The following GALNT17 variants were observed in gnomAD, a reference collection of about 807,000 sequenced individuals.
GALNT17 encodes polypeptide N-acetylgalactosaminyltransferase 17.
In GALNT17, 29 loss-of-function variants were observed where a neutral mutation model predicts 63.7. The observed-to-expected ratio is 0.46, with a 90% CI of 0.34 to 0.62. The LOEUF (loss-of-function observed/expected upper bound fraction) is 0.62. Among genes scored for constraint, GALNT17 ranks in the 20% least tolerant of loss-of-function variants. The pLI is 0.01. For synonymous variants in GALNT17, 305 were observed against 318.3 expected (o/e 0.96, Z 0.45); for missense variants, 603 against 799.6 (o/e 0.75, Z 2.97).
At chr7:71,374,095 G>T (rs372136872) in intron 2 of GALNT17, among the ~76,000 whole-genome samples, 1 of 152,166 alleles carries the variant, frequency 6.6e-6, no homozygotes, top group East Asian at 1.9e-4. Flanking sequence ...CGTTTTTGGT[G>T]TGGAAAACTG....
intron 6 of GALNT17, among the ~76,000 whole-genome samples, chr7:71,621,723 C>T (rs917194500): frequency 2.0e-4 from 30 of 152,148 alleles, no homozygotes; most frequent in African/African-American, 6.5e-4. Flanking sequence ...TTTTGACAAC[C>T]GTGATAAAAT....
intron 6 of GALNT17, among the ~76,000 whole-genome samples, chr7:71,654,247 C>T (rs929372160): frequency 2.0e-5 from 3 of 152,142 alleles, no homozygotes; most frequent in Admixed American, 6.5e-5. Flanking sequence ...CATCTCCTGA[C>T]GTGATCCGCC....
chr7:71,193,191 C>T (rs1202660), intron 1 of GALNT17, among the ~76,000 whole-genome samples: 37,199 of 151,666 alleles, frequency 0.25, 4,855 homozygotes, highest in East Asian at 0.47. Context: ...CTTGACCTCC[C>T]GGGCTCAAGC....
rs183126984 is a variant in GALNT17, at chr7:71,579,774, T to C, written c.1080+8372T>C. 1.4e-4 allele frequency among the ~76,000 whole-genome samples: 21 copies of C among 152,172 alleles called. No individual in the cohort carries two copies. The East Asian group carries it at 2.5e-3, about 18-fold the overall frequency. On this transcript the variant is annotated intron_variant, in intron 6 of 10. Transcript: ENST00000333538. ...CAAGGTGGGGCCCAGATTATGAGGA[T>C]TGATAAGCAGAAAGTTGGCTTTTTC... is the stretch of plus-strand genomic sequence containing the variant.
chr7:71,527,180 C>T (rs766584960), intron 5 of GALNT17, among the ~76,000 whole-genome samples: 5 of 151,956 alleles, frequency 3.3e-5, no homozygotes, highest in Non-Finnish European at 5.9e-5. Context: ...GAAGTTAATT[C>T]AGGATATATG....
chr7:71,688,887 T>C (rs532200786), intron 9 of GALNT17, among the ~76,000 whole-genome samples: 2 of 152,152 alleles, frequency 1.3e-5, no homozygotes, highest in South Asian at 4.1e-4. Flanking sequence ...TTTTCACAGA[T>C]CGAAGGGTTG....
intron 5 of GALNT17, among the ~76,000 whole-genome samples, chr7:71,513,010 T>C (rs979738127): frequency 2.0e-5 from 3 of 152,210 alleles, no homozygotes; most frequent in African/African-American, 7.2e-5. Context: ...TTAAAACACA[T>C]TAAAATGGCA....
intron 6 of GALNT17, among the ~76,000 whole-genome samples, chr7:71,623,953 C>A (rs1033784035): frequency 2.0e-5 from 3 of 152,142 alleles, no homozygotes; most frequent in Non-Finnish European, 2.9e-5. Flanking sequence ...CAAGGGGTCC[C>A]CAAAACCGTG....
At chr7:71,274,629 T>G (rs1408490391) in intron 1 of GALNT17, among the ~76,000 whole-genome samples, 1 of 152,174 alleles carries the variant, frequency 6.6e-6, no homozygotes, top group Non-Finnish European at 1.5e-5. Flanking sequence ...CCCTAAGACA[T>G]TGGTCTGGAA....
At chr7:71,311,385 A>G (rs908984121) in intron 1 of GALNT17, among the ~76,000 whole-genome samples, 9 of 152,190 alleles carry the variant, frequency 5.9e-5, no homozygotes, top group African/African-American at 2.2e-4. Context: ...GAGTCAATCA[A>G]TTGGGGAAGC....
At chr7:71,551,590 C>G (rs541423337) in intron 5 of GALNT17, among the ~76,000 whole-genome samples, 1 of 151,920 alleles carries the variant, frequency 6.6e-6, no homozygotes, top group Non-Finnish European at 1.5e-5. Context: ...TAGTGAAATA[C>G]TGTCTCTTAA....
intron 6 of GALNT17, among the ~76,000 whole-genome samples, chr7:71,655,402 G>C (rs979000139): frequency 6.6e-6 from 1 of 152,166 alleles, no homozygotes; most frequent in African/African-American, 2.4e-5. Context: ...AAACATTCCT[G>C]AATTCATTAC....
At chr7:71,677,455 T>G (rs1791170175) in intron 9 of GALNT17, 149 bp downstream of exon 9, 1 of 689,552 alleles carries the variant, frequency 1.5e-6, no homozygotes, top group African/African-American at 1.8e-5. Flanking sequence ...TAGGAGTCTT[T>G]CTGGTTATTT....
chr7:71,390,719 G>A (rs1351738600), intron 3 of GALNT17, among the ~76,000 whole-genome samples: 1 of 152,104 alleles, frequency 6.6e-6, no homozygotes, highest in Non-Finnish European at 1.5e-5. Flanking sequence ...CCCTGTTCCT[G>A]TGGCCCCCTT....
chr7:71,161,423 A>G (rs1788339734), intron 1 of GALNT17, among the ~76,000 whole-genome samples: 13 of 152,074 alleles, frequency 8.5e-5, no homozygotes, highest in Admixed American at 8.5e-4. Flanking sequence ...TCAATTGTTG[A>G]TTTGCATACA....
At chr7:71,542,153 G>A (rs981534193) in intron 5 of GALNT17, among the ~76,000 whole-genome samples, 2 of 152,122 alleles carry the variant, frequency 1.3e-5, no homozygotes, top group Non-Finnish European at 2.9e-5. Flanking sequence ...TGAGATGTGG[G>A]GAACAGGCTT....
At chr7:71,301,120 T>G (rs530477905) in intron 1 of GALNT17, among the ~76,000 whole-genome samples, 9 of 151,438 alleles carry the variant, frequency 5.9e-5, no homozygotes, top group African/African-American at 2.2e-4. Flanking sequence ...AGACCTTATC[T>G]CTACAAAAAT....
At chr7:71,450,996 A>G (rs967274334) in intron 5 of GALNT17, among the ~76,000 whole-genome samples, 6 of 150,136 alleles carry the variant, frequency 4.0e-5, no homozygotes, top group African/African-American at 4.9e-5. Context: ...TTTGCTACAT[A>G]TGTATACATG....
In GALNT17 at chr7:71,712,739, T is replaced by G. The variant is rs1449749530; in HGVS notation, c.*593T>G. The G allele has an allele frequency of 6.5e-6, 1 of 153,242 alleles. No homozygotes were observed. Among genetic ancestry groups the G allele is most frequent in the East Asian group, 1.9e-4 (1 of 5,220 alleles). 9.5% of individuals were successfully genotyped at this position (153,242 alleles called of 1,614,324 possible). A position where few individuals can be genotyped will look rare whatever the true frequency, so the allele number is the denominator to read the frequency against. On this transcript the variant is annotated 3_prime_UTR_variant, in exon 11 of 11. Transcript: ENST00000333538. ...TTTGGGCACTGCAGCTCTGGACTTT[T>G]CTGGCCCCTCCTGAGATGACCTGAT...
Sources: gnomAD v4.1 joint callset for allele counts (sites outside exome capture counted in the v4.1 genomes callset) on GRCh38, gnomAD v4.1.1 for gene constraint, MANE v1.5 for transcripts, NCBI Gene and HGNC (gene_info 2026-07-23, HGNC 2026-07-21) for gene names.